IMPA1: variants seen among roughly 807,000 people sequenced by gnomAD.
The protein encoded by IMPA1 is inositol monophosphatase 1.
Under a neutral mutation model 34.9 loss-of-function variants are expected in IMPA1, and 21 were observed. The observed-to-expected ratio is 0.60, with a 90% CI of 0.43 to 0.87. The LOEUF (loss-of-function observed/expected upper bound fraction) is 0.87, where lower values mean the gene tolerates loss of function less well. Ranked by LOEUF, IMPA1 falls within the 40% of genes least tolerant of loss-of-function variation. The pLI is 0.00. For synonymous variants in IMPA1, 95 were observed against 104.4 expected (o/e 0.91, Z 0.55); for missense variants, 299 against 336.4 (o/e 0.89, Z 0.87).
At chr8:81,664,949 A>G (rs1806778153) in intron 7 of IMPA1, among the ~76,000 whole-genome samples, 1 of 152,124 alleles carries the variant, frequency 6.6e-6, no homozygotes, top group African/African-American at 2.4e-5. Flanking sequence ...AATGATAAAC[A>G]AGACAAGCCA....
rs2130230668 is a variant in IMPA1, at chr8:81,658,858, TG to T, written c.*492del. 1 of 154,794 alleles carries T rather than the reference TG, an allele frequency of 6.5e-6. No homozygotes were observed. Among genetic ancestry groups the T allele is most frequent in the South Asian group, 2.0e-4 (1 of 4,968 alleles). 9.6% of individuals were successfully genotyped at this position (154,794 alleles called of 1,614,324 possible). On this transcript the variant is annotated 3_prime_UTR_variant, in exon 9 of 9. Transcript: ENST00000256108. ...GATATGTAATGGGCCAGGTGCTATA[TG>T]AACACTGAAGAATAAAACAAAAAAG...
At chr8:81,663,571 T>C (rs1285036796) in intron 7 of IMPA1, among the ~76,000 whole-genome samples, 1 of 152,238 alleles carries the variant, frequency 6.6e-6, no homozygotes, top group Non-Finnish European at 1.5e-5. Flanking sequence ...GCTGGATTAT[T>C]AGATGATCTT....
Position 81,659,199 on chromosome 8 carries a change from C to T in IMPA1, c.*152G>A. On this transcript the variant is annotated 3_prime_UTR_variant, in exon 9 of 9. Transcript: ENST00000256108. ...AAACATTATGTCAATTCTTGCAAAC[C>T]TAGACATAGTAAAATAAGAAACAAG... The T allele has an allele frequency of 1.6e-6, 1 of 644,180 alleles. No individual in the cohort carries two copies. Among genetic ancestry groups the T allele is most frequent in the South Asian group, 1.8e-5 (1 of 56,298 alleles). 39.9% of individuals were successfully genotyped at this position (644,180 alleles called of 1,614,324 possible).
chr8:81,663,729 C>A (rs1177322189), intron 7 of IMPA1, among the ~76,000 whole-genome samples: 1 of 152,140 alleles, frequency 6.6e-6, no homozygotes, highest in African/African-American at 2.4e-5. Flanking sequence ...TTCATATAAA[C>A]AACTATGGTC....
At position 81,657,735 on chromosome 8, in the gene IMPA1, C is replaced by A. The variant is rs1161166584; in HGVS notation, c.*1616G>T. On this transcript the variant is annotated 3_prime_UTR_variant, in exon 9 of 9. Coordinates refer to ENST00000256108, the MANE Select transcript of IMPA1 (RefSeq NM_005536.4). ...AAAACATAGGAAGATCCCATCTTTA[C>A]AAAAATAAAATTAAAACATTAGTAG... is the stretch of plus-strand genomic sequence containing the variant. 6.6e-6 allele frequency among the ~76,000 whole-genome samples: 1 copy of A among 151,718 alleles called. No individual in the cohort carries two copies. Among genetic ancestry groups the A allele is most frequent in the Non-Finnish European group, 1.5e-5 (1 of 67,938 alleles).
chr8:81,664,967 C>T (rs204794), intron 7 of IMPA1, among the ~76,000 whole-genome samples: 4 of 151,062 alleles, frequency 2.6e-5, no homozygotes, highest in Non-Finnish European at 2.9e-5. Flanking sequence ...CCAACTCTAT[C>T]TACAACCAGC....
intron 5 of IMPA1, among the ~76,000 whole-genome samples, chr8:81,675,082 T>C (rs1434880051): frequency 6.6e-6 from 1 of 152,198 alleles, no homozygotes; most frequent in Non-Finnish European, 1.5e-5. Context: ...CTAAATTTTC[T>C]TGCATGGACT....
At chr8:81,672,819 G>A (rs1238791358) in intron 6 of IMPA1, among the ~76,000 whole-genome samples, 1 of 152,120 alleles carries the variant, frequency 6.6e-6, no homozygotes, top group Non-Finnish European at 1.5e-5. Flanking sequence ...GCTTTAACGG[G>A]CTTTTTTTCC....
At position 81,681,600 on chromosome 8, in the gene IMPA1, A is replaced by G. The variant is rs1364897276; in HGVS notation, c.-24-16T>C. 1.4e-6 allele frequency: 2 copies of G among 1,428,800 alleles called. No individual in the cohort carries two copies. The highest frequency in any genetic ancestry group is 2.0e-6 in the Non-Finnish European group (2 of 1,012,278). 88.5% of individuals were successfully genotyped at this position (1,428,800 alleles called of 1,614,324 possible). On this transcript the variant is annotated splice_polypyrimidine_tract_variant and intron_variant, in intron 1 of 8. Transcript: ENST00000256108. ...TGACAAATATCTGTACAAAGTAGTTATAACTGTCTTAGAAGTCTTAATTAT... is the reference window on the plus strand; with the variant it reads ...TGACAAATATCTGTACAAAGTAGTTGTAACTGTCTTAGAAGTCTTAATTAT...
chr8:81,666,418 T>C (rs1252497047), intron 7 of IMPA1, among the ~76,000 whole-genome samples: 2 of 152,164 alleles, frequency 1.3e-5, no homozygotes. Flanking sequence ...TATCAATAAA[T>C]CAATAGGCCT....
chr8:81,659,290 C>A lies in IMPA1; in HGVS notation c.*61G>T. ...CATATCATACATCCAAAACACATAT[C>A]CATTGATGAGTCACCAAATCTGGGG... is the stretch of plus-strand genomic sequence containing the variant. On this transcript the variant is annotated 3_prime_UTR_variant, in exon 9 of 9. Coordinates refer to ENST00000256108, the MANE Select transcript of IMPA1 (RefSeq NM_005536.4). 2 of 883,278 alleles carry A rather than the reference C, an allele frequency of 2.3e-6. No individual in the cohort carries two copies. Among genetic ancestry groups the A allele is most frequent in the Non-Finnish European group, 3.9e-6 (2 of 515,044 alleles). The allele number at this position is 883,278 out of a possible 1,614,324, so 54.7% of individuals were successfully genotyped here.
Position 81,676,221 on chromosome 8 carries a change from TA to T in IMPA1, c.348+12del. On this transcript the variant is annotated intron_variant, in intron 5 of 8. Coordinates refer to ENST00000256108, the MANE Select transcript of IMPA1 (RefSeq NM_005536.4). ...CAAGGCATATAATCAACTATACGTTTAAAAAATCATACCTTTTTATTTACAG... is the reference window on the plus strand; with the variant it reads ...CAAGGCATATAATCAACTATACGTTTAAAAATCATACCTTTTTATTTACAG... The T allele has an allele frequency of 5.5e-6, 7 of 1,264,558 alleles. No homozygotes were observed. The highest frequency in any genetic ancestry group is 2.9e-5 in the South Asian group (2 of 68,362). 78.3% of individuals were successfully genotyped at this position (1,264,558 alleles called of 1,614,324 possible). A position where few individuals can be genotyped will look rare whatever the true frequency, so the allele number is the denominator to read the frequency against.
At chr8:81,660,409 G>T in intron 8 of IMPA1, 107 bp downstream of exon 8, 2 of 861,422 alleles carry the variant, frequency 2.3e-6, no homozygotes, top group Non-Finnish European at 3.7e-6. Flanking sequence ...GCTTGTTTCT[G>T]CTTCAAAAAC....
chr8:81,662,140 T>C (rs1390501218), intron 7 of IMPA1, among the ~76,000 whole-genome samples: 1 of 152,178 alleles, frequency 6.6e-6, no homozygotes, highest in African/African-American at 2.4e-5. Context: ...GAGAAAGTAG[T>C]AGTAAGTGCA....
In IMPA1 at chr8:81,671,055, GA is replaced by G. The variant is rs1183050294; in HGVS notation, c.458-9del. 4.4e-5 allele frequency: 61 copies of G among 1,371,802 alleles called. No individual in the cohort carries two copies. The highest frequency in any genetic ancestry group is 6.0e-5 in the Non-Finnish European group (61 of 1,022,546). The allele number at this position is 1,371,802 out of a possible 1,614,324, so 85.0% of individuals were successfully genotyped here. ...AGAGAGATTTGGTAATATCTAAAAA[GA>G]AAGTGTTAGGTTTCAATATTTAGAC... On this transcript the variant is annotated splice_polypyrimidine_tract_variant and intron_variant, in intron 6 of 8. Transcript: ENST00000256108.
chr8:81,684,500 ATAAGTAT>A (rs1807413014), intron 1 of IMPA1, among the ~76,000 whole-genome samples: 2 of 128,704 alleles, frequency 1.6e-5, no homozygotes, highest in Non-Finnish European at 3.2e-5. Context: ...TATACTACAC[ATAAGTAT>A]CTTTAGATAC....
At chr8:81,678,410 G>A (rs1258000303) in intron 4 of IMPA1, among the ~76,000 whole-genome samples, 1 of 151,858 alleles carries the variant, frequency 6.6e-6, no homozygotes, top group Non-Finnish European at 1.5e-5. Flanking sequence ...ACATATCTTT[G>A]GCCAGGTGCA....
chr8:81,681,154 G>C (rs1054756765), intron 2 of IMPA1, among the ~76,000 whole-genome samples: 8 of 152,140 alleles, frequency 5.3e-5, no homozygotes, highest in Non-Finnish European at 1.2e-4. Context: ...CCAGCACTTT[G>C]GGAGGCCAAG....
At chr8:81,685,886 G>A in intron 1 of IMPA1, 2 of 1,547,496 alleles carry the variant, frequency 1.3e-6, no homozygotes, top group Non-Finnish European at 8.7e-7. Flanking sequence ...CCGCGACTGC[G>A]GGCAGCACAG....
Sources: gnomAD v4.1 joint callset for allele counts (sites outside exome capture counted in the v4.1 genomes callset) on GRCh38, gnomAD v4.1.1 for gene constraint, MANE v1.5 for transcripts, NCBI Gene and HGNC (gene_info 2026-07-23, HGNC 2026-07-21) for gene names.